The following TGM4 variants were observed in gnomAD, a reference collection of about 807,000 sequenced individuals.
TGM4 encodes the protein protein-glutamine gamma-glutamyltransferase 4.
TGM4 carries 61 observed loss-of-function variants against 76.3 expected under a neutral mutation model. The ratio of observed to expected loss-of-function variants is 0.80; its 90% CI spans 0.65 to 0.99. TGM4 has a LOEUF of 0.99. TGM4 is among the 50% of genes least tolerant of loss of function. The pLI is 0.00. For synonymous variants in TGM4, 337 were observed against 329.8 expected, an observed-to-expected ratio of 1.02 and a Z score of -0.24; for missense variants, 794 against 843.2, an observed-to-expected ratio of 0.94 and a Z score of 0.72.
intron 12 of TGM4, 43 bp from the exon 13 acceptor site, chr3:44,911,227 T>C: frequency 6.2e-7 from 1 of 1,612,742 alleles, no homozygotes; most frequent in Non-Finnish European, 8.5e-7. Flanking sequence ...GGTTGGCTCA[T>C]GCATATCTTC....
chr3:44,885,765 A>C (rs1699597898), intron 2 of TGM4, among the ~76,000 whole-genome samples: 1 of 152,208 alleles, frequency 6.6e-6, no homozygotes, highest in African/African-American at 2.4e-5. Context: ...CTCAGCGGGC[A>C]TCTGCCGTGG....
intron 12 of TGM4, 50 bp downstream of exon 12, chr3:44,911,177 A>T (rs373322264): frequency 6.2e-7 from 1 of 1,610,692 alleles, no homozygotes; most frequent in African/African-American, 1.3e-5. Flanking sequence ...GAAGTTGGCC[A>T]TGGAGTGTGA....
At chr3:44,875,956 G>C (rs1699446473) in intron 1 of TGM4, among the ~76,000 whole-genome samples, 1 of 152,188 alleles carries the variant, frequency 6.6e-6, no homozygotes. Flanking sequence ...GCTGATTTGA[G>C]AGAAGATTCA....
At position 44,888,084 on chromosome 3, in the gene TGM4, A is replaced by G. The variant is rs139585835; in HGVS notation, c.300+289A>G. On this transcript the variant is annotated intron_variant, in intron 3 of 13. Transcript: ENST00000296125. ...CATGAGCGGAGAGAAGTACATAAAA[A>G]TAACCCATGGTTCCACCAACTAAGT... is the stretch of plus-strand genomic sequence containing the variant. 1,734 of 361,556 alleles carry G rather than the reference A, an allele frequency of 4.8e-3. 12 individuals are homozygous for G. Among genetic ancestry groups the G allele is most frequent in the Non-Finnish European group, 6.9e-3 (1,387 of 199,586 alleles). 22.4% of individuals were successfully genotyped at this position (361,556 alleles called of 1,614,324 possible). A position where few individuals can be genotyped will look rare whatever the true frequency, so the allele number is the denominator to read the frequency against.
At chr3:44,906,856 C>A in intron 9 of TGM4, 93 bp from the exon 10 acceptor site, 1 of 1,554,670 alleles carries the variant, frequency 6.4e-7, no homozygotes, top group Non-Finnish European at 8.7e-7. Flanking sequence ...CTTGCCAGTC[C>A]TGTTTGAGTT....
rs760123590 is a variant in TGM4, at chr3:44,910,369, G to A, written c.1606+1G>A. The A allele has an allele frequency of 1.2e-6, 2 of 1,612,624 alleles. No homozygotes were observed. Among genetic ancestry groups the A allele is most frequent in the East Asian group, 4.5e-5 (2 of 44,874 alleles). On this transcript the variant is annotated splice_donor_variant, in intron 11 of 13. Transcript: ENST00000296125. LOFTEE classifies it high-confidence loss of function. ...AAGACCTCGCAGATCCAAGGTCAAG[G>A]TACCAGAACCAGAGGGAGGAGAGGC...
At chr3:44,912,768 C>CTA (rs1205556813) in intron 13 of TGM4, among the ~76,000 whole-genome samples, 17 of 152,240 alleles carry the variant, frequency 1.1e-4, no homozygotes, top group Admixed American at 2.0e-4. Context: ...TTTAGAAAAG[C>CTA]TATATTGTTT....
chr3:44,893,488 T>G (rs112993985), intron 4 of TGM4, 89 bp from the exon 5 acceptor site: 11,539 of 1,130,586 alleles, frequency 0.01, 121 homozygotes, highest in African/African-American at 0.046. Flanking sequence ...AGACCTTGAA[T>G]CTCCCCCAGC....
rs185366385 is a variant in TGM4, at chr3:44,884,498, T to G, written c.20-827T>G. ...GAAGAAAAAAATCCCCTGTTTTTTTTGGGGGGGATGGAGTCTCACTCTGTC... is the reference window on the plus strand; with the variant it reads ...GAAGAAAAAAATCCCCTGTTTTTTTGGGGGGGGATGGAGTCTCACTCTGTC... On this transcript the variant is annotated intron_variant, in intron 1 of 13. Coordinates refer to ENST00000296125, the MANE Select transcript of TGM4 (RefSeq NM_003241.4). Among the ~76,000 whole-genome samples, 345 of 152,202 alleles carry G rather than the reference T, an allele frequency of 2.3e-3. 4 individuals are homozygous for G. Among genetic ancestry groups the G allele is most frequent in the South Asian group, 0.017 (84 of 4,816 alleles).
chr3:44,885,456 C>T lies in TGM4; in HGVS notation c.151C>T (p.Pro51Ser). Residue 51 changes from proline (P) to serine (S), a missense_variant, in exon 2 of 14, where the codon CCC becomes TCC. Pro to Ser is a moderately conservative substitution (Grantham distance 74). Coordinates refer to ENST00000296125, the MANE Select transcript of TGM4 (RefSeq NM_003241.4). ...TCACCTGCGGCTGGTGCTGAACCAG[C>T]CCCTACAATCCTACCACCAACTGAA... is the stretch of plus-strand genomic sequence containing the variant. The part of the protein sequence containing the change: ...VFHLRLVLNQ[P>S]LQSYHQLKLE... 1.2e-6 allele frequency: 2 copies of T among 1,612,858 alleles called. No homozygotes were observed. The highest frequency in any genetic ancestry group is 1.1e-5 in the South Asian group (1 of 91,010).
At chr3:44,900,595 GC>G (rs2125756440) in intron 6 of TGM4, among the ~76,000 whole-genome samples, 1 of 152,324 alleles carries the variant, frequency 6.6e-6, no homozygotes, top group East Asian at 1.9e-4. Context: ...CTGTAACTGT[GC>G]TTTTCACAAG....
intron 9 of TGM4, among the ~76,000 whole-genome samples, chr3:44,904,977 T>C (rs1369146715): frequency 6.6e-6 from 1 of 151,286 alleles, no homozygotes; most frequent in African/African-American, 2.4e-5. Flanking sequence ...CCACTGTGCC[T>C]GGCCTTTATT....
intron 11 of TGM4, 68 bp from the exon 12 acceptor site, chr3:44,910,890 G>T: frequency 6.5e-7 from 1 of 1,530,924 alleles, no homozygotes; most frequent in Admixed American, 1.8e-5. Context: ...TTCTGTGCTT[G>T]ATGAGGAGAA....
chr3:44,898,852 T>C (rs1699815946), intron 6 of TGM4, among the ~76,000 whole-genome samples: 1 of 152,158 alleles, frequency 6.6e-6, no homozygotes, highest in Non-Finnish European at 1.5e-5. Flanking sequence ...CTCTTTCCCC[T>C]TCACCCCCAT....
intron 9 of TGM4, among the ~76,000 whole-genome samples, chr3:44,906,221 A>G (rs1220588648): frequency 6.6e-6 from 1 of 152,210 alleles, no homozygotes; most frequent in Admixed American, 6.5e-5. Flanking sequence ...TTGAGGATTA[A>G]ATAAAAATAG....
chr3:44,877,371 C>T (rs891425760), intron 1 of TGM4, among the ~76,000 whole-genome samples: 2 of 152,094 alleles, frequency 1.3e-5, no homozygotes, highest in African/African-American at 4.8e-5. Context: ...TTGCTTGAAC[C>T]TGGGAGGCGG....
intron 2 of TGM4, among the ~76,000 whole-genome samples, chr3:44,887,299 G>A (rs779617437): frequency 3.9e-5 from 6 of 152,222 alleles, no homozygotes; most frequent in Admixed American, 3.3e-4. Flanking sequence ...TCCTCCAGAC[G>A]AGGAGTGAAG....
intron 1 of TGM4, among the ~76,000 whole-genome samples, chr3:44,883,924 C>T (rs1350595470): frequency 6.6e-6 from 1 of 152,152 alleles, no homozygotes; most frequent in Non-Finnish European, 1.5e-5. Context: ...GTGGGTGAGC[C>T]CTCAGGAGCA....
intron 6 of TGM4, among the ~76,000 whole-genome samples, chr3:44,898,615 G>A (rs77217357): frequency 0.025 from 3,748 of 151,302 alleles, 125 homozygotes; most frequent in African/African-American, 0.085. Flanking sequence ...GCAGGCAGAC[G>A]TATGTTCATC....
Sources: allele counts gnomAD v4.1 joint callset (sites outside exome capture counted in the v4.1 genomes callset), GRCh38; gene constraint gnomAD v4.1.1; transcripts MANE v1.5; gene names NCBI Gene and HGNC (gene_info 2026-07-23, HGNC 2026-07-21).